SLC39A2: variants seen among roughly 807,000 people sequenced by gnomAD.
SLC39A2 encodes solute carrier family 39 member 2, also known as zinc transporter ZIP2.
Under a neutral mutation model 18.0 loss-of-function variants are expected in SLC39A2, and 14 were observed. The observed-to-expected ratio is 0.78, with a 90% CI of 0.51 to 1.22. The LOEUF (loss-of-function observed/expected upper bound fraction) is 1.22. SLC39A2 is among the 50% of genes most tolerant of loss of function. The probability of loss-of-function intolerance (pLI) is 0.00; values close to 1 mark genes in which losing one functional copy is unlikely to be tolerated. For synonymous variants in SLC39A2, 152 were observed against 153.1 expected, an observed-to-expected ratio of 0.99 and a Z score of 0.05; for missense variants, 375 against 370.6, an observed-to-expected ratio of 1.01 and a Z score of -0.10.
In SLC39A2 at chr14:21,001,154, T is replaced by G; in HGVS notation, c.505T>G (p.Leu169Val). ...GGGTCCCCTCCGAGCCCTTGTCCTC[T>G]TGCTGTCACTCTCCTTTCACTCAGT... Reference protein sequence around the residue: ...SKGPLRALVLLLSLSFHSVFE... With the variant: ...SKGPLRALVLVLSLSFHSVFE... The change falls in exon 4 of 4, where the codon TTG becomes GTG. Residue 169 changes from leucine (L) to valine (V), a missense_variant. Transcript: ENST00000298681. The G allele has an allele frequency of 6.2e-7, 1 of 1,614,202 alleles. No individual in the cohort carries two copies. Among genetic ancestry groups the G allele is most frequent in the Non-Finnish European group, 8.5e-7 (1 of 1,180,038 alleles).
Position 20,999,810 on chromosome 14 carries a change from A to G in SLC39A2, c.184A>G (p.Met62Val). The G allele has an allele frequency of 6.2e-7, 1 of 1,614,130 alleles. No homozygotes were observed. Among genetic ancestry groups the G allele is most frequent in the Non-Finnish European group, 8.5e-7 (1 of 1,179,964 alleles). ...SAGVFLGAGF[M>V]HMTAEALEEI... Reference sequence around the variant, plus strand: ...TGGTGTTTTCCTGGGAGCAGGGTTCATGCATATGACTGCTGAAGCCCTGGA... The same window carrying G: ...TGGTGTTTTCCTGGGAGCAGGGTTCGTGCATATGACTGCTGAAGCCCTGGA... The change falls in exon 2 of 4, where the codon ATG becomes GTG. Residue 62 changes from methionine (M) to valine (V), a missense_variant. Physicochemically the swap from Met to Val is conservative, Grantham distance 21. Transcript: ENST00000298681.
In SLC39A2 at chr14:21,001,750, G is replaced by C. The variant is rs1385227696; in HGVS notation, c.*171G>C. On this transcript the variant is annotated 3_prime_UTR_variant, in exon 4 of 4. Transcript: ENST00000298681. ...ACATGAGATCCCATTTCTCACCCTG[G>C]ACTAAGACAAAGATATTTAGGTTGA... The C allele has an allele frequency of 2.0e-6, 1 of 512,730 alleles. No individual in the cohort carries two copies. Among genetic ancestry groups the C allele is most frequent in the Admixed American group, 3.7e-5 (1 of 27,206 alleles). The allele number at this position is 512,730 out of a possible 1,614,324, so 31.8% of individuals were successfully genotyped here. A position where few individuals can be genotyped will look rare whatever the true frequency, so the allele number is the denominator to read the frequency against.
rs1880564209 is a variant in SLC39A2 at position 21,000,165 on chromosome 14, A to T, written c.296A>T (p.His99Leu). ...RNSSGDADSA[H>L]MEYPYGELII... ...TCTTCTGGTGATGCTGATTCAGCTC[A>T]TGTAAGTACCTCCCACCATCCCCTA... Residue 99 changes from histidine to leucine, a missense_variant and splice_region_variant, in exon 3 of 4, where the codon CAT (histidine) becomes CTT (leucine). His to Leu is a moderately conservative substitution (Grantham distance 99). Coordinates refer to ENST00000298681, the MANE Select transcript of SLC39A2 (RefSeq NM_014579.4). 3 of 1,611,136 alleles carry T rather than the reference A, an allele frequency of 1.9e-6. No homozygotes were observed. The highest frequency in any genetic ancestry group is 1.6e-4 in the Middle Eastern group (1 of 6,074).
intron 3 of SLC39A2, 54 bp downstream of exon 3, chr14:21,000,220 T>C: frequency 7.4e-7 from 1 of 1,352,414 alleles, no homozygotes; most frequent in Non-Finnish European, 1.0e-6. Context: ...CAGAGAGGCC[T>C]TTCATATCCA....
rs1880614982 is a variant in SLC39A2 at position 21,001,154 on chromosome 14, T to C, written c.505T>C (p.Leu169=). 2 of 1,614,084 alleles carry C rather than the reference T, an allele frequency of 1.2e-6. No individual in the cohort carries two copies. The highest frequency in any genetic ancestry group is 2.7e-5 in the African/African-American group (2 of 74,934). ...SKGPLRALVL[L]LSLSFHSVFE... The stretch of plus-strand genomic sequence containing the variant: ...GGGTCCCCTCCGAGCCCTTGTCCTC[T>C]TGCTGTCACTCTCCTTTCACTCAGT... Residue 169 remains leucine (L), a synonymous_variant, in exon 4 of 4, where the codon TTG becomes CTG. Coordinates refer to ENST00000298681, the MANE Select transcript of SLC39A2 (RefSeq NM_014579.4).
chr14:21,001,156 G>T lies in SLC39A2; in HGVS notation c.507G>T (p.Leu169Phe), dbSNP rs1880615139. 6.2e-7 allele frequency: 1 copy of T among 1,614,058 alleles called. No homozygotes were observed. Among genetic ancestry groups the T allele is most frequent in the East Asian group, 2.2e-5 (1 of 44,892 alleles). ...SKGPLRALVL[L>F]LSLSFHSVFE... ...GTCCCCTCCGAGCCCTTGTCCTCTT[G>T]CTGTCACTCTCCTTTCACTCAGTGT... The change falls in exon 4 of 4, where the codon TTG becomes TTT. Residue 169 changes from leucine to phenylalanine, a missense_variant. Transcript: ENST00000298681.
In SLC39A2 at chr14:21,001,739, T is replaced by G. The variant is rs564744990; in HGVS notation, c.*160T>G. The G allele has an allele frequency of 1.8e-6, 1 of 553,380 alleles. No individual in the cohort carries two copies. Among genetic ancestry groups the G allele is most frequent in the East Asian group, 3.0e-5 (1 of 33,158 alleles). The allele number at this position is 553,380 out of a possible 1,614,324, so 34.3% of individuals were successfully genotyped here. The stretch of plus-strand genomic sequence containing the variant: ...AGGTTTCCTTTACATGAGATCCCAT[T>G]TCTCACCCTGGACTAAGACAAAGAT... On this transcript the variant is annotated 3_prime_UTR_variant, in exon 4 of 4. Coordinates refer to ENST00000298681, the MANE Select transcript of SLC39A2 (RefSeq NM_014579.4).
In SLC39A2 at chr14:21,001,261, G is replaced by A. The variant is rs753116315; in HGVS notation, c.612G>A (p.Gly204=). ...GCCTTGCTGTCCTGGCTCATAAGGG[G>A]CTTGTGGTGTTTGGTGTAGGAATGC... is the stretch of plus-strand genomic sequence containing the variant. ...QLCLAVLAHK[G]LVVFGVGMRL... is the part of the protein sequence containing the mutation. The change falls in exon 4 of 4, where the codon GGG becomes GGA. Residue 204 remains glycine (G), a synonymous_variant. Coordinates refer to ENST00000298681, the MANE Select transcript of SLC39A2 (RefSeq NM_014579.4). 16 of 1,614,116 alleles carry A rather than the reference G, an allele frequency of 9.9e-6. No individual in the cohort carries two copies. The highest frequency in any genetic ancestry group is 3.3e-4 in the Middle Eastern group (2 of 6,084).
chr14:21,001,762 G>A lies in SLC39A2; in HGVS notation c.*183G>A. 1 of 487,828 alleles carries A rather than the reference G, an allele frequency of 2.0e-6. No homozygotes were observed. Among genetic ancestry groups the A allele is most frequent in the South Asian group, 6.1e-5 (1 of 16,352 alleles). 30.2% of individuals were successfully genotyped at this position (487,828 alleles called of 1,614,324 possible). A position where few individuals can be genotyped will look rare whatever the true frequency, so the allele number is the denominator to read the frequency against. Reference sequence around the variant, plus strand: ...ATTTCTCACCCTGGACTAAGACAAAGATATTTAGGTTGAGCAGCTATTAAT... The same window carrying A: ...ATTTCTCACCCTGGACTAAGACAAAAATATTTAGGTTGAGCAGCTATTAAT... On this transcript the variant is annotated 3_prime_UTR_variant, in exon 4 of 4. Transcript: ENST00000298681.
chr14:21,000,235 C>T (rs1880567682), intron 3 of SLC39A2, 69 bp downstream of exon 3: 3 of 1,145,530 alleles, frequency 2.6e-6, no homozygotes, highest in Non-Finnish European at 3.9e-6. Context: ...TATCCAGACC[C>T]TTTTGAGAGG....
At position 20,999,294 on chromosome 14, in the gene SLC39A2, G is replaced by A; in HGVS notation, c.-153G>A. The A allele has an allele frequency of 3.2e-6, 2 of 632,996 alleles. No individual in the cohort carries two copies. The highest frequency in any genetic ancestry group is 5.7e-6 in the Non-Finnish European group (2 of 352,104). 39.2% of individuals were successfully genotyped at this position (632,996 alleles called of 1,614,324 possible). ...GATCTGTCAGCTCTGCAATGCTGCA[G>A]AAGCAGAAGCAACACAGAAAGAAGA... On this transcript the variant is annotated 5_prime_UTR_variant, in exon 1 of 4. Coordinates refer to ENST00000298681, the MANE Select transcript of SLC39A2 (RefSeq NM_014579.4).
At position 21,000,128 on chromosome 14, in the gene SLC39A2, A is replaced by G. The variant is rs1397811288; in HGVS notation, c.259A>G (p.Ser87Gly). The G allele has an allele frequency of 6.2e-7, 1 of 1,613,228 alleles. No homozygotes were observed. The highest frequency in any genetic ancestry group is 1.7e-5 in the Admixed American group (1 of 59,936). The change falls in exon 3 of 4, where the codon AGT becomes GGT. Residue 87 changes from serine (S) to glycine (G), a missense_variant. Ser to Gly is a moderately conservative substitution (Grantham distance 56, BLOSUM62 0). Coordinates refer to ENST00000298681, the MANE Select transcript of SLC39A2 (RefSeq NM_014579.4). ...QKFMVQNRSA[S>G]ERNSSGDADS... is the part of the protein sequence containing the mutation. The stretch of plus-strand genomic sequence containing the variant: ...GCTTTCTTCTTAGAACAGATCAGCA[A>G]GTGAGAGAAATTCTTCTGGTGATGC...
chr14:21,001,391 G>C lies in SLC39A2; in HGVS notation c.742G>C (p.Gly248Arg), dbSNP rs1294907588. The change falls in exon 4 of 4, where the codon GGG becomes CGG. Residue 248 changes from glycine to arginine, a missense_variant. Transcript: ENST00000298681. ...AGCCGTAGGGCTGGCTGTGACTGGA[G>C]GGGACTCTGAAGGAGGGCGGGGCTT... is the stretch of plus-strand genomic sequence containing the variant. ...GLAVGLAVTGGDSEGGRGLAQ... is the reference protein window; with the variant it reads ...GLAVGLAVTGRDSEGGRGLAQ... 1 of 1,614,126 alleles carries C rather than the reference G, an allele frequency of 6.2e-7. No individual in the cohort carries two copies. Among genetic ancestry groups the C allele is most frequent in the East Asian group, 2.2e-5 (1 of 44,886 alleles).
At chr14:20,999,961 G>T (rs1880555156) in intron 2 of SLC39A2, 89 bp downstream of exon 2, 3 of 1,545,590 alleles carry the variant, frequency 1.9e-6, no homozygotes, top group Non-Finnish European at 2.7e-6. Flanking sequence ...ATGGAGCCAA[G>T]GACATGGGTG....
chr14:21,000,200 T>G (rs199584640), intron 3 of SLC39A2, 34 bp downstream of exon 3: 2 of 1,553,064 alleles, frequency 1.3e-6, no homozygotes, highest in Middle Eastern at 3.4e-4. Context: ...ATCTGGAGAG[T>G]GAGGAGAACC....
chr14:21,000,462 TTTG>T (rs1000824733), intron 3 of SLC39A2, among the ~76,000 whole-genome samples: 39 of 152,212 alleles, frequency 2.6e-4, no homozygotes, highest in Admixed American at 1.1e-3. Flanking sequence ...CTGGCAGTCT[TTTG>T]TTGTTGTTGT....
At chr14:20,999,631 G>A in intron 1 of SLC39A2, 70 bp downstream of exon 1, 1 of 1,580,144 alleles carries the variant, frequency 6.3e-7, no homozygotes, top group African/African-American at 1.3e-5. Context: ...ACCTTGCTCT[G>A]ATTCTCTCAC....
At position 20,999,353 on chromosome 14, in the gene SLC39A2, C is replaced by A; in HGVS notation, c.-94C>A. ...GCCTCCTGAAACTCACGAGAGTGGACACTCCAGTGTTGACCACCTAAGATA... is the reference window on the plus strand; with the variant it reads ...GCCTCCTGAAACTCACGAGAGTGGAAACTCCAGTGTTGACCACCTAAGATA... On this transcript the variant is annotated 5_prime_UTR_variant, in exon 1 of 4. Coordinates refer to ENST00000298681, the MANE Select transcript of SLC39A2 (RefSeq NM_014579.4). The A allele has an allele frequency of 1.2e-6, 1 of 865,788 alleles. No homozygotes were observed. Among genetic ancestry groups the A allele is most frequent in the Non-Finnish European group, 1.9e-6 (1 of 513,294 alleles). 53.6% of individuals were successfully genotyped at this position (865,788 alleles called of 1,614,324 possible).
Position 20,999,580 on chromosome 14 carries a change from T to A in SLC39A2, c.115+19T>A. 6.2e-7 allele frequency: 1 copy of A among 1,605,036 alleles called. No individual in the cohort carries two copies. ...GCCAGAGGTATAGCCCTACCCCATC[T>A]TTGTTCCATAGCCTGAGTCTCACCT... On this transcript the variant is annotated intron_variant, in intron 1 of 3. Transcript: ENST00000298681.
Sources: gnomAD v4.1 joint callset for allele counts (sites outside exome capture counted in the v4.1 genomes callset) on GRCh38, gnomAD v4.1.1 for gene constraint, MANE v1.5 for transcripts, NCBI Gene and HGNC (gene_info 2026-07-23, HGNC 2026-07-21) for gene names.